SCARB1: variants seen among roughly 807,000 people sequenced by gnomAD.
The protein encoded by SCARB1 is scavenger receptor class B member 1.
Under a neutral mutation model 57.2 loss-of-function variants are expected in SCARB1, and 30 were observed. That is an observed-to-expected ratio of 0.52 (90% CI 0.39 to 0.71). The LOEUF is 0.71. Ranked by LOEUF, SCARB1 falls within the 30% of genes least tolerant of loss-of-function variation. The pLI is 0.00. For synonymous variants in SCARB1, 249 were observed against 268.3 expected (o/e 0.93, Z 0.70); for missense variants, 543 against 671.2 (o/e 0.81, Z 2.11).
At chr12:124,805,891 C>T (rs838906) in intron 7 of SCARB1, among the ~76,000 whole-genome samples, 5 of 151,780 alleles carry the variant, frequency 3.3e-5, no homozygotes, top group Non-Finnish European at 5.9e-5. Flanking sequence ...AAGATCCCTC[C>T]GCTGCTGTCG....
intron 1 of SCARB1, among the ~76,000 whole-genome samples, chr12:124,851,870 G>A (rs890094226): frequency 6.6e-6 from 1 of 152,128 alleles, no homozygotes; most frequent in African/African-American, 2.4e-5. Flanking sequence ...GCCTCCTAAA[G>A]TGCCGGGATT....
chr12:124,851,695 C>T (rs1283469961), intron 1 of SCARB1, among the ~76,000 whole-genome samples: 1 of 151,214 alleles, frequency 6.6e-6, no homozygotes, highest in Non-Finnish European at 1.5e-5. Flanking sequence ...GCAACCTCCA[C>T]CTCCCGAGTT....
chr12:124,842,918 G>A (rs1409376324), intron 1 of SCARB1, among the ~76,000 whole-genome samples: 1 of 152,250 alleles, frequency 6.6e-6, no homozygotes, highest in Non-Finnish European at 1.5e-5. Flanking sequence ...AAAAGCATGG[G>A]AACCGTGTGC....
chr12:124,807,065 G>A lies in SCARB1; in HGVS notation c.1009+696C>T, dbSNP rs964608280. The stretch of plus-strand genomic sequence containing the variant: ...AAATACAAAAAATTAGCCAGGTGTG[G>A]TGGTGCACGCCTGTGGTCCCAACTA... On this transcript the variant is annotated intron_variant, in intron 7 of 12. Transcript: ENST00000261693. This position sits in a 1 kb window ranked among gnomAD's most constrained non-coding sequence, Gnocchi z 5.3. Among the ~76,000 whole-genome samples, 12 of 152,136 alleles carry A rather than the reference G, an allele frequency of 7.9e-5. No homozygotes were observed. Among genetic ancestry groups the A allele is most frequent in the Non-Finnish European group, 1.6e-4 (11 of 68,018 alleles).
At chr12:124,848,720 A>G (rs575150626) in intron 1 of SCARB1, among the ~76,000 whole-genome samples, 13 of 152,378 alleles carry the variant, frequency 8.5e-5, no homozygotes, top group Non-Finnish European at 1.8e-4. Context: ...GAACGGCAGA[A>G]CGAGCCGTGG....
rs1375879454 is a variant in SCARB1, at chr12:124,817,094, GTGTGTA to G, written c.284+450_284+455del. Among the ~76,000 whole-genome samples, 29 of 149,382 alleles carry G rather than the reference GTGTGTA, an allele frequency of 1.9e-4. No homozygotes were observed. The highest frequency in any genetic ancestry group is 3.8e-4 in the African/African-American group (15 of 39,930). ...GGTACATGTGTGTGTATGTATGTGT[GTGTGTA>G]TGTGTATGTACGTGTGTATGTATGT... On this transcript the variant is annotated intron_variant, in intron 2 of 12. Transcript: ENST00000261693. The surrounding 1 kb of genome is among the most constrained non-coding windows in gnomAD (Gnocchi z 4.8).
chr12:124,807,899 C>T lies in SCARB1; in HGVS notation c.871G>A (p.Gly291Arg), dbSNP rs1431951777. The change falls in exon 7 of 13, where the codon GGG becomes AGG. Residue 291 changes from glycine (G) to arginine (R), a missense_variant. Coordinates refer to ENST00000261693, the MANE Select transcript of SCARB1 (RefSeq NM_005505.5). This position sits in a 1 kb window ranked among gnomAD's most constrained non-coding sequence, Gnocchi z 5.3. ...TAGGTGGGGATGCCTTCAAACACCCCTGACTCCTTGTACATTAGCTTCATG... is the reference window on the plus strand; with the variant it reads ...TAGGTGGGGATGCCTTCAAACACCCTTGACTCCTTGTACATTAGCTTCATG... Reference protein sequence around the residue: ...RSMKLMYKESGVFEGIPTYRF... With the variant: ...RSMKLMYKESRVFEGIPTYRF... The T allele has an allele frequency of 2.5e-6, 4 of 1,614,178 alleles. No individual in the cohort carries two copies. The highest frequency in any genetic ancestry group is 3.4e-6 in the Non-Finnish European group (4 of 1,180,036).
intron 1 of SCARB1, among the ~76,000 whole-genome samples, chr12:124,837,960 CAT>C (rs1951758850): frequency 6.6e-6 from 1 of 152,202 alleles, no homozygotes; most frequent in East Asian, 1.9e-4. Context: ...CATTTCATGA[CAT>C]GTGAAAGTTA....
At chr12:124,793,249 T>G (rs1949794905) in intron 9 of SCARB1, among the ~76,000 whole-genome samples, 1 of 152,172 alleles carries the variant, frequency 6.6e-6, no homozygotes, top group African/African-American at 2.4e-5. Context: ...AGAATTTTTT[T>G]TAACGAAACT....
At chr12:124,835,963 T>C (rs1368563849) in intron 1 of SCARB1, among the ~76,000 whole-genome samples, 3 of 152,238 alleles carry the variant, frequency 2.0e-5, no homozygotes, top group African/African-American at 4.8e-5. Context: ...CCTTCCCCCA[T>C]GTATGTTCCT....
At chr12:124,820,971 G>T (rs532561104) in intron 1 of SCARB1, among the ~76,000 whole-genome samples, 3 of 152,058 alleles carry the variant, frequency 2.0e-5, no homozygotes, top group African/African-American at 7.2e-5. Flanking sequence ...GGCCCAGTGC[G>T]GTGGCTCACA....
intron 9 of SCARB1, among the ~76,000 whole-genome samples, chr12:124,792,749 AT>A (rs1049474539): frequency 2.7e-5 from 4 of 150,352 alleles, no homozygotes; most frequent in African/African-American, 9.8e-5. Context: ...AAAAAAAAGA[AT>A]GTGAATTACC....
At position 124,863,810 on chromosome 12, in the gene SCARB1, T is replaced by A; in HGVS notation, c.-90A>T. On this transcript the variant is annotated 5_prime_UTR_variant, in exon 1 of 13. Coordinates refer to ENST00000261693, the MANE Select transcript of SCARB1 (RefSeq NM_005505.5). ...CGACAGAGACGACACAGGCGGGGAC[T>A]CCGGGCACGCAGGCCGCAGAGGCAC... 7.4e-7 allele frequency: 1 copy of A among 1,354,940 alleles called. No homozygotes were observed. The highest frequency in any genetic ancestry group is 9.5e-7 in the Non-Finnish European group (1 of 1,056,216). 83.9% of individuals were successfully genotyped at this position (1,354,940 alleles called of 1,614,324 possible). A position where few individuals can be genotyped will look rare whatever the true frequency, so the allele number is the denominator to read the frequency against.
Position 124,778,536 on chromosome 12 carries a change from CCGGTCAGGCCCAG to C in SCARB1, c.*38_*50del, listed in dbSNP as rs1412344212. On this transcript the variant is annotated 3_prime_UTR_variant, in exon 13 of 13. Transcript: ENST00000261693. ...GAAGCGGGGTGTAGGGGCTGGGGGG[CCGGTCAGGCCCAG>C]CGGCCAGGCCTGGCTGGCTCACGGT... is the stretch of plus-strand genomic sequence containing the variant. 32 of 1,374,548 alleles carry C rather than the reference CCGGTCAGGCCCAG, an allele frequency of 2.3e-5. No homozygotes were observed. The highest frequency in any genetic ancestry group is 2.8e-5 in the Non-Finnish European group (30 of 1,062,666). 85.1% of individuals were successfully genotyped at this position (1,374,548 alleles called of 1,614,324 possible).
chr12:124,817,026 G>A lies in SCARB1; in HGVS notation c.284+524C>T, dbSNP rs562654031. Among the ~76,000 whole-genome samples, 1 of 57,090 alleles carries A rather than the reference G, an allele frequency of 1.8e-5. No homozygotes were observed. Among genetic ancestry groups the A allele is most frequent in the Admixed American group, 1.4e-4 (1 of 7,116 alleles). The allele number at this position is 57,090 out of a possible 152,430, so 37.5% of individuals were successfully genotyped here. A position where few individuals can be genotyped will look rare whatever the true frequency, so the allele number is the denominator to read the frequency against. Reference sequence around the variant, plus strand: ...TCCCTGCTCCTGGTCATGCATGTGTGTGTGTGTGTGTGTGTGTGTGTGTAT... The same window carrying A: ...TCCCTGCTCCTGGTCATGCATGTGTATGTGTGTGTGTGTGTGTGTGTGTAT... On this transcript the variant is annotated intron_variant, in intron 2 of 12. Coordinates refer to ENST00000261693, the MANE Select transcript of SCARB1 (RefSeq NM_005505.5). This position sits in a 1 kb window ranked among gnomAD's most constrained non-coding sequence, Gnocchi z 4.8.
At position 124,856,801 on chromosome 12, in the gene SCARB1, G is replaced by A. The variant is rs1000532925; in HGVS notation, c.126+6794C>T. Among the ~76,000 whole-genome samples, 5 of 152,342 alleles carry A rather than the reference G, an allele frequency of 3.3e-5. No homozygotes were observed. The East Asian group carries it at 9.6e-4, about 29-fold the overall frequency. ...AGAGCGGGCGGCCCCTGCAGGATGG[G>A]TGGGAGTCCAGCCCCCGGGGTCACT... On this transcript the variant is annotated intron_variant, in intron 1 of 12. Transcript: ENST00000261693.
In SCARB1 at chr12:124,810,530, A is replaced by G. The variant is rs755282784; in HGVS notation, c.727-241T>C. ...GACTCAGTTCTTTCATCTGCAAAAT[A>G]GGCCTATCACCCACATTTCCAGCCT... is the stretch of plus-strand genomic sequence containing the variant. On this transcript the variant is annotated intron_variant, in intron 5 of 12. Transcript: ENST00000261693. This position sits in a 1 kb window ranked among gnomAD's most constrained non-coding sequence, Gnocchi z 4.0. Among the ~76,000 whole-genome samples, 2 of 152,220 alleles carry G rather than the reference A, an allele frequency of 1.3e-5. No individual in the cohort carries two copies. Among genetic ancestry groups the G allele is most frequent in the Non-Finnish European group, 1.5e-5 (1 of 68,048 alleles).
intron 1 of SCARB1, among the ~76,000 whole-genome samples, chr12:124,823,882 C>T (rs187417554): frequency 1.2e-4 from 19 of 152,108 alleles, no homozygotes; most frequent in African/African-American, 4.1e-4. Context: ...GAAAGGAATG[C>T]GGCCAGGTGT....
intron 5 of SCARB1, among the ~76,000 whole-genome samples, chr12:124,811,015 T>C: frequency 6.6e-6 from 1 of 152,220 alleles, no homozygotes; most frequent in Non-Finnish European, 1.5e-5. Flanking sequence ...ACAGTCATTT[T>C]CACACATATT....
Sources: gnomAD v4.1 joint callset for allele counts (sites outside exome capture counted in the v4.1 genomes callset) on GRCh38, gnomAD v4.1.1 for gene constraint, Gnocchi (gnomAD v3.1) non-coding constraint, MANE v1.5 for transcripts, NCBI Gene and HGNC (gene_info 2026-07-23, HGNC 2026-07-21) for gene names.